The following LDB2 variants were observed in gnomAD, a reference collection of about 807,000 sequenced individuals.
LDB2 encodes LIM domain binding 2.
LDB2 carries 12 observed loss-of-function variants against 44.3 expected under a neutral mutation model. That is an observed-to-expected ratio of 0.27 (90% CI 0.17 to 0.44). The LOEUF is 0.44. Ranked by LOEUF, LDB2 falls within the 20% of genes least tolerant of loss-of-function variation. The pLI, the probability that LDB2 is intolerant of heterozygous loss-of-function variation, is 1.00. For synonymous variants in LDB2, 164 were observed against 174.8 expected (o/e 0.94, Z 0.49); for missense variants, 344 against 473.5 (o/e 0.73, Z 2.54).
intron 2 of LDB2, among the ~76,000 whole-genome samples, chr4:16,652,321 T>C (rs1738517287): frequency 6.6e-6 from 1 of 152,110 alleles, no homozygotes; most frequent in African/African-American, 2.4e-5. Context: ...CACATGAAAC[T>C]AAAAAATCTT....
At chr4:16,670,299 A>C (rs1442142076) in intron 2 of LDB2, among the ~76,000 whole-genome samples, 2 of 152,190 alleles carry the variant, frequency 1.3e-5, no homozygotes, top group African/African-American at 2.4e-5. Flanking sequence ...CCTTTGGTAG[A>C]TATAGGTACC....
At position 16,564,716 on chromosome 4, in the gene LDB2, A is replaced by G. The variant is rs141655780; in HGVS notation, c.615+21206T>C. Among the ~76,000 whole-genome samples the G allele has an allele frequency of 1.9e-4, 29 of 152,370 alleles. No homozygotes were observed. In the East Asian group the frequency reaches 5.6e-3, roughly 29 times the overall value. On this transcript the variant is annotated intron_variant, in intron 5 of 7. Transcript: ENST00000304523. ...AATATATTAAAGGCAGCATCTTCAAATAAAAAAAATTACCAGAAAGAAACT... is the reference window on the plus strand; with the variant it reads ...AATATATTAAAGGCAGCATCTTCAAGTAAAAAAAATTACCAGAAAGAAACT...
intron 1 of LDB2, among the ~76,000 whole-genome samples, chr4:16,765,510 T>C (rs1769013032): frequency 6.6e-6 from 1 of 152,232 alleles, no homozygotes; most frequent in South Asian, 2.1e-4. Context: ...CATCACCTTG[T>C]AATACACATT....
At chr4:16,898,222 G>T in intron 1 of LDB2, 132 bp downstream of exon 1, 1 of 833,824 alleles carries the variant, frequency 1.2e-6, no homozygotes, top group Non-Finnish European at 1.9e-6. Flanking sequence ...GATTCATCCT[G>T]GCGCTCATTT....
At chr4:16,865,719 C>T (rs965985802) in intron 1 of LDB2, among the ~76,000 whole-genome samples, 2 of 152,186 alleles carry the variant, frequency 1.3e-5, no homozygotes, top group African/African-American at 4.8e-5. Flanking sequence ...TACAGTCACT[C>T]TGGGGATAAT....
intron 1 of LDB2, among the ~76,000 whole-genome samples, chr4:16,866,564 T>A: frequency 6.6e-6 from 1 of 152,144 alleles, no homozygotes; most frequent in Middle Eastern, 3.2e-3. Flanking sequence ...CATTATACTC[T>A]AGGTTAGTCA....
chr4:16,892,047 T>C (rs996363949), intron 1 of LDB2, among the ~76,000 whole-genome samples: 2 of 152,216 alleles, frequency 1.3e-5, no homozygotes, highest in Non-Finnish European at 2.9e-5. Context: ...GAGGGTTACT[T>C]GAGCCGACAT....
At chr4:16,658,705 T>C (rs968928254) in intron 2 of LDB2, among the ~76,000 whole-genome samples, 3 of 152,134 alleles carry the variant, frequency 2.0e-5, no homozygotes, top group African/African-American at 7.2e-5. Context: ...ACCTCAGTGT[T>C]AAAAAAAGAA....
chr4:16,677,030 TC>T (rs931595352), intron 2 of LDB2, among the ~76,000 whole-genome samples: 2 of 152,196 alleles, frequency 1.3e-5, no homozygotes, highest in Non-Finnish European at 2.9e-5. Flanking sequence ...TTTGAGAAAG[TC>T]CCTTAACCTC....
chr4:16,621,067 G>A (rs150287549), intron 2 of LDB2, among the ~76,000 whole-genome samples: 11 of 152,216 alleles, frequency 7.2e-5, no homozygotes, highest in South Asian at 4.1e-4. Flanking sequence ...CATCTACTAC[G>A]TGTACAGCAC....
chr4:16,785,144 T>C (rs1774144930), intron 1 of LDB2, among the ~76,000 whole-genome samples: 1 of 152,094 alleles, frequency 6.6e-6, no homozygotes, highest in Non-Finnish European at 1.5e-5. Flanking sequence ...TCCTTTTTCT[T>C]AAAAGCCTGG....
chr4:16,751,841 A>C lies in LDB2; in HGVS notation c.235+7317T>G, dbSNP rs187226084. ...TCAACTTCGAATGACAATCTGCTCTACTTCTAACTGAATTTGCTACAAATC... is the reference window on the plus strand; with the variant it reads ...TCAACTTCGAATGACAATCTGCTCTCCTTCTAACTGAATTTGCTACAAATC... On this transcript the variant is annotated intron_variant, in intron 2 of 7. Transcript: ENST00000304523. 6.2e-4 allele frequency among the ~76,000 whole-genome samples: 94 copies of C among 152,318 alleles called. 1 individual carries two copies. The highest frequency in any genetic ancestry group is 1.9e-3 in the African/African-American group (81 of 41,574).
At position 16,850,454 on chromosome 4, in the gene LDB2, C is replaced by T. The variant is rs143232733; in HGVS notation, c.132+47900G>A. On this transcript the variant is annotated intron_variant, in intron 1 of 7. Transcript: ENST00000304523. ...TTATGCATGGAAAAGCTCCTGAAAG[C>T]CTTGGCACCCAGTAGATAGATATTT... Among the ~76,000 whole-genome samples, 22 of 152,226 alleles carry T rather than the reference C, an allele frequency of 1.4e-4. No individual in the cohort carries two copies. In the East Asian group the frequency reaches 2.9e-3, roughly 20 times the overall value.
Position 16,792,750 on chromosome 4 carries a change from T to A in LDB2, c.133-33490A>T, listed in dbSNP as rs561160669. Among the ~76,000 whole-genome samples the A allele has an allele frequency of 3.9e-5, 6 of 152,306 alleles. No individual in the cohort carries two copies. In the South Asian group the frequency reaches 1.0e-3, roughly 26 times the overall value. ...GCTCCTGTCTGCAGTTAAACAGTCC[T>A]TTTTGCTCAGTGACTTACAGGCAGG... On this transcript the variant is annotated intron_variant, in intron 1 of 7. Coordinates refer to ENST00000304523, the MANE Select transcript of LDB2 (RefSeq NM_001290.5).
At chr4:16,767,375 A>C (rs530098791) in intron 1 of LDB2, among the ~76,000 whole-genome samples, 1 of 152,354 alleles carries the variant, frequency 6.6e-6, no homozygotes, top group South Asian at 2.1e-4. Flanking sequence ...ACACAAGCAT[A>C]GGAAAGAAAG....
rs146973626 is a variant in LDB2 at position 16,574,796 on chromosome 4, T to C, written c.615+11126A>G. 4.2e-4 allele frequency among the ~76,000 whole-genome samples: 64 copies of C among 152,332 alleles called. No individual in the cohort carries two copies. The East Asian group carries it at 0.012, about 28-fold the overall frequency. On this transcript the variant is annotated intron_variant, in intron 5 of 7. Coordinates refer to ENST00000304523, the MANE Select transcript of LDB2 (RefSeq NM_001290.5). ...CTCTTTCAAACTGTGGTCCATCTAA[T>C]CTTCATGCCAAACTTTTGAGACATA...
At chr4:16,542,098 TGG>T (rs1380359889) in intron 5 of LDB2, among the ~76,000 whole-genome samples, 2 of 9,508 alleles carry the variant, frequency 2.1e-4, no homozygotes, top group African/African-American at 9.6e-4. Flanking sequence ...TTACATCAGG[TGG>T]TGGGGGGGGG....
chr4:16,797,700 G>A (rs1026068689), intron 1 of LDB2, among the ~76,000 whole-genome samples: 1 of 151,894 alleles, frequency 6.6e-6, no homozygotes, highest in African/African-American at 2.4e-5. Context: ...TTTATCCCGT[G>A]AGCCAGACTC....
At chr4:16,830,114 A>C (rs1783797960) in intron 1 of LDB2, among the ~76,000 whole-genome samples, 1 of 151,908 alleles carries the variant, frequency 6.6e-6, no homozygotes, top group East Asian at 2.0e-4. Context: ...CATCTCAAAA[A>C]GAAAAAAAAG....
Sources: gnomAD v4.1 joint callset for allele counts (sites outside exome capture counted in the v4.1 genomes callset) on GRCh38, gnomAD v4.1.1 for gene constraint, MANE v1.5 for transcripts, NCBI Gene and HGNC (gene_info 2026-07-23, HGNC 2026-07-21) for gene names.